TAF7L: variants seen among roughly 807,000 people sequenced by gnomAD.
TAF7L encodes the protein TATA-box binding protein associated factor 7 like.
A neutral mutation model predicts 30.2 loss-of-function variants in TAF7L; 6 were observed. The ratio of observed to expected loss-of-function variants is 0.20; its 90% CI spans 0.11 to 0.39. The LOEUF (loss-of-function observed/expected upper bound fraction) is 0.39. Ranked by LOEUF, TAF7L falls within the 10% of genes least tolerant of loss-of-function variation. The probability of loss-of-function intolerance (pLI) is 1.00; values close to 1 mark genes in which losing one functional copy is unlikely to be tolerated. For missense variants in TAF7L, 284 were observed against 277.1 expected (o/e 1.03, Z -0.18); for synonymous variants, 93 against 94.5 (o/e 0.98, Z 0.09).
chrX:101,274,151 A>G (rs752131980), intron 12 of TAF7L, among the ~76,000 whole-genome samples: 1 of 111,873 alleles, frequency 8.9e-6, no homozygotes, highest in South Asian at 3.8e-4. Context: ...AGAAACTGCA[A>G]CTTTAAGCAA....
chrX:101,286,563 T>C lies in TAF7L; in HGVS notation c.145+12A>G, dbSNP rs774857107. On this transcript the variant is annotated intron_variant, in intron 3 of 12. Transcript: ENST00000356784. ...TTGTTCAATGTATAGTGAATGGATATTAACTACTTACGCAATAAGTCAATT... is the reference window on the plus strand; with the variant it reads ...TTGTTCAATGTATAGTGAATGGATACTAACTACTTACGCAATAAGTCAATT... The C allele has an allele frequency of 9.1e-5, 106 of 1,161,986 alleles. No individual in the cohort carries two copies. The highest frequency in any genetic ancestry group is 6.2e-4 in the Admixed American group (28 of 45,447).
Position 101,281,725 on chromosome X carries a change from T to C in TAF7L, c.457A>G (p.Lys153Glu). 1 of 1,210,795 alleles carries C rather than the reference T, an allele frequency of 8.3e-7. No homozygotes were observed. Among genetic ancestry groups the C allele is most frequent in the Non-Finnish European group, 1.1e-6 (1 of 894,931 alleles). Residue 153 changes from lysine to glutamate, a missense_variant, in exon 6 of 13, where the codon AAA becomes GAA. Coordinates refer to ENST00000356784, the MANE Select transcript of TAF7L (RefSeq NM_001168474.2). ...VRKKRFRKTQ[K>E]KVPDVKEMEK... is the part of the protein sequence containing the mutation. Reference sequence around the variant, plus strand: ...ACAAATAGCATGTAACTAACCTTTTTTTGTGTTTTCCGGAACCTTTTCTTT... The same window carrying C: ...ACAAATAGCATGTAACTAACCTTTTCTTGTGTTTTCCGGAACCTTTTCTTT...
At position 101,286,622 on chromosome X, in the gene TAF7L, C is replaced by A; in HGVS notation, c.98G>T (p.Arg33Leu). 5.0e-6 allele frequency: 6 copies of A among 1,209,168 alleles called. No homozygotes were observed. Among genetic ancestry groups the A allele is most frequent in the Non-Finnish European group, 6.7e-6 (6 of 894,073 alleles). Residue 33 changes from arginine to leucine, a missense_variant, in exon 3 of 13, where the codon CGT (arginine) becomes CTT (leucine). Physicochemically the swap from Arg to Leu is moderately radical, Grantham distance 102. Coordinates refer to ENST00000356784, the MANE Select transcript of TAF7L (RefSeq NM_001168474.2). ...EHACTVRNLA[R>L]SQSVKMKDKL... is the part of the protein sequence containing the mutation. ...ATCCTTCATCTTGACACTTTGAGAA[C>A]GTGCTAGGTTCCTGACAGTACAAGC...
chrX:101,292,195 C>T (rs1488565813), upstream of TAF7L, among the ~76,000 whole-genome samples: 5 of 95,900 alleles, frequency 5.2e-5, no homozygotes, highest in South Asian at 5.2e-4. Flanking sequence ...GCCGAGATCC[C>T]GCCACTGCAC....
upstream of TAF7L, chrX:101,292,932 C>A: frequency 8.3e-7 from 1 of 1,211,035 alleles, no homozygotes. Flanking sequence ...TGGTTTCAGA[C>A]CCACGGTCGA....
rs747032990 is a variant in TAF7L, at chrX:101,279,025, A to G, written c.473T>C (p.Val158Ala). 3 of 1,203,551 alleles carry G rather than the reference A, an allele frequency of 2.5e-6. No homozygotes were observed. In the South Asian group the frequency reaches 5.3e-5, roughly 21 times the overall value. Residue 158 changes from valine (V) to alanine (A), a missense_variant, in exon 7 of 13, where the codon GTC (valine) becomes GCC (alanine). Transcript: ENST00000356784. ...AAAGCTGCTTTTTTCCATTTCTTTG[A>G]CATCAGGGACCTATGAAATAAAACA... ...FRKTQKKVPD[V>A]KEMEKSSFTE...
chrX:101,292,553 C>T (rs1378720252), upstream of TAF7L, among the ~76,000 whole-genome samples: 4 of 108,998 alleles, frequency 3.7e-5, no homozygotes, highest in African/African-American at 1.3e-4. Flanking sequence ...AAACACGCCA[C>T]CGTGCAAACC....
At chrX:101,279,178 G>A (rs1467661331) in intron 6 of TAF7L, 143 bp from the exon 7 acceptor site, 1 of 459,962 alleles carries the variant, frequency 2.2e-6, no homozygotes, top group African/African-American at 2.4e-5. Context: ...TAAAAGCCAA[G>A]GCAACTGTGT....
At chrX:101,288,332 A>T (rs1231558127) in intron 1 of TAF7L, among the ~76,000 whole-genome samples, 1 of 109,819 alleles carries the variant, frequency 9.1e-6, no homozygotes, top group Non-Finnish European at 1.9e-5. Context: ...TAGTAGAGAC[A>T]GGATTTCACC....
chrX:101,270,219 G>A (rs941733408), intron 12 of TAF7L, among the ~76,000 whole-genome samples: 1 of 111,819 alleles, frequency 8.9e-6, no homozygotes, highest in Admixed American at 9.5e-5. Context: ...TTACAACAAA[G>A]GTTGTTTTTG....
At chrX:101,282,729 G>T (rs930401174) in intron 4 of TAF7L, among the ~76,000 whole-genome samples, 3 of 110,107 alleles carry the variant, frequency 2.7e-5, no homozygotes, top group South Asian at 4.0e-4. Context: ...ACTACAGAGG[G>T]AATATATTGG....
At chrX:101,283,719 T>C in intron 3 of TAF7L, 136 bp from the exon 4 acceptor site, 1 of 652,400 alleles carries the variant, frequency 1.5e-6, no homozygotes, top group Non-Finnish European at 2.3e-6. Flanking sequence ...GCTAGAATTG[T>C]GTACACAATT....
intron 12 of TAF7L, 122 bp from the exon 13 acceptor site, chrX:101,269,359 C>G: frequency 1.6e-5 from 10 of 615,136 alleles, no homozygotes; most frequent in Non-Finnish European, 2.6e-5. Flanking sequence ...ATAAGGTTAT[C>G]TTAGTCTTGC....
In TAF7L at chrX:101,268,874, A is replaced by C; in HGVS notation, c.*319T>G. The stretch of plus-strand genomic sequence containing the variant: ...CAGCTACTCAGGAGGCTGAGGCGGA[A>C]GGATCCCTTAAGCCCAGGAGTCTGA... On this transcript the variant is annotated 3_prime_UTR_variant, in exon 13 of 13. Transcript: ENST00000356784. 13 of 174,347 alleles carry C rather than the reference A, an allele frequency of 7.5e-5. No individual in the cohort carries two copies. The highest frequency in any genetic ancestry group is 4.5e-4 in the South Asian group (2 of 4,493). The allele number at this position is 174,347 out of a possible 1,213,427, so 14.4% of individuals were successfully genotyped here.
intron 12 of TAF7L, among the ~76,000 whole-genome samples, chrX:101,270,653 G>A (rs1874182839): frequency 9.0e-6 from 1 of 110,897 alleles, no homozygotes; most frequent in South Asian, 3.8e-4. Context: ...TCAGTTAATG[G>A]CACATCATTT....
At chrX:101,273,276 T>C (rs1334895290) in intron 12 of TAF7L, among the ~76,000 whole-genome samples, 1 of 111,518 alleles carries the variant, frequency 9.0e-6, no homozygotes, top group East Asian at 2.8e-4. Context: ...CTCCAGATAA[T>C]AATCAGAGTA....
In TAF7L at chrX:101,268,679, T is replaced by C. The variant is rs1879177049; in HGVS notation, c.*514A>G. On this transcript the variant is annotated 3_prime_UTR_variant, in exon 13 of 13. Coordinates refer to ENST00000356784, the MANE Select transcript of TAF7L (RefSeq NM_001168474.2). ...TGACCTCGTTTTTTCCCCTATGTTT[T>C]AGGAAATACTAAAAACCAAAAGAAA... The C allele has an allele frequency of 2.7e-5, 3 of 112,288 alleles. 1 individual carries two copies. The South Asian group carries it at 1.1e-3, about 42-fold the overall frequency. 9.3% of individuals were successfully genotyped at this position (112,288 alleles called of 1,213,427 possible).
chrX:101,291,950 G>A (rs756605100), upstream of TAF7L, among the ~76,000 whole-genome samples: 5 of 103,285 alleles, frequency 4.8e-5, no homozygotes, highest in South Asian at 4.4e-4. Context: ...CCTAAGAGGC[G>A]AGTTGGGCCG....
At chrX:101,269,864 G>A (rs1923913240) in intron 12 of TAF7L, among the ~76,000 whole-genome samples, 1 of 111,974 alleles carries the variant, frequency 8.9e-6, no homozygotes, top group South Asian at 3.8e-4. Flanking sequence ...TTGCTGTTAA[G>A]AATTTGTGCT....
Sources: gnomAD v4.1 joint callset for allele counts (sites outside exome capture counted in the v4.1 genomes callset) on GRCh38, gnomAD v4.1.1 for gene constraint, MANE v1.5 for transcripts, NCBI Gene and HGNC (gene_info 2026-07-23, HGNC 2026-07-21) for gene names.